The following FAF1 variants were observed in gnomAD, a reference collection of about 807,000 sequenced individuals.
FAF1 encodes the protein FAS-associated factor 1.
A neutral mutation model predicts 92.5 loss-of-function variants in FAF1; 25 were observed. The observed-to-expected ratio is 0.27, with a 90% CI of 0.20 to 0.38. FAF1 has a LOEUF of 0.38. Among genes scored for constraint, FAF1 ranks in the 10% least tolerant of loss-of-function variants. The probability of loss-of-function intolerance (pLI) is 1.00; values close to 1 mark genes in which losing one functional copy is unlikely to be tolerated. For missense variants in FAF1, 636 were observed against 793.3 expected, an observed-to-expected ratio of 0.80 and a Z score of 2.38; for synonymous variants, 234 against 273.2, an observed-to-expected ratio of 0.86 and a Z score of 1.42.
chr1:50,762,776 T>C (rs547479309), intron 4 of FAF1, among the ~76,000 whole-genome samples: 4 of 151,974 alleles, frequency 2.6e-5, no homozygotes, highest in Non-Finnish European at 5.9e-5. Flanking sequence ...GACATAGGCA[T>C]GGGCAAGGAC....
chr1:50,477,731 A>G (rs921783579), intron 17 of FAF1, among the ~76,000 whole-genome samples: 1 of 152,230 alleles, frequency 6.6e-6, no homozygotes, highest in Non-Finnish European at 1.5e-5. Context: ...TATTTATTTA[A>G]TGCCTGGCCT....
At chr1:50,819,194 C>G (rs1644007533) in intron 2 of FAF1, among the ~76,000 whole-genome samples, 1 of 151,880 alleles carries the variant, frequency 6.6e-6, no homozygotes, top group South Asian at 2.1e-4. Context: ...TAGAGTAGAG[C>G]TGGGGGTTAC....
At chr1:50,795,401 T>A (rs1661713037) in intron 3 of FAF1, among the ~76,000 whole-genome samples, 2 of 152,156 alleles carry the variant, frequency 1.3e-5, no homozygotes, top group Non-Finnish European at 2.9e-5. Context: ...ACAACCTTGG[T>A]TCTAACTAAG....
rs34498946 is a variant in FAF1, at chr1:50,606,489, C to CTT, written c.745-10275_745-10274dup. 9.4e-3 allele frequency among the ~76,000 whole-genome samples: 551 copies of CTT among 58,548 alleles called. 108 individuals are homozygous for CTT. The highest frequency in any genetic ancestry group is 0.014 in the Non-Finnish European group (433 of 32,066). 38.4% of individuals were successfully genotyped at this position (58,548 alleles called of 152,430 possible). On this transcript the variant is annotated intron_variant, in intron 8 of 18. Transcript: ENST00000396153. Reference sequence around the variant, plus strand: ...AGATATATTGTAGCTGTGAGAGTTGCTTTTTTTTTTTTTTTTTTTTTTTTT... The same window carrying CTT: ...AGATATATTGTAGCTGTGAGAGTTGCTTTTTTTTTTTTTTTTTTTTTTTTTTT...
At chr1:50,694,077 C>CAT (rs1004450702) in intron 7 of FAF1, among the ~76,000 whole-genome samples, 4 of 150,826 alleles carry the variant, frequency 2.7e-5, no homozygotes, top group Non-Finnish European at 5.9e-5. Context: ...ATATACATGA[C>CAT]ATATATATAA....
At chr1:50,462,149 C>T (rs1314229393) in intron 18 of FAF1, 1 of 150,954 alleles carries the variant, frequency 6.6e-6, no homozygotes, top group Non-Finnish European at 1.5e-5. Flanking sequence ...TGCCCATGTA[C>T]CTTTTCTCCT....
Position 50,566,323 on chromosome 1 carries a change from T to C in FAF1, c.1268+754A>G, listed in dbSNP as rs1331618799. Among the ~76,000 whole-genome samples, 4 of 152,206 alleles carry C rather than the reference T, an allele frequency of 2.6e-5. No homozygotes were observed. In the East Asian group the frequency reaches 7.7e-4, roughly 29 times the overall value. ...TGACTAAAATATGCTTGCCTTGAAA[T>C]GAATTAATTTAATCTCCCTGTTCAT... On this transcript the variant is annotated intron_variant, in intron 13 of 18. Coordinates refer to ENST00000396153, the MANE Select transcript of FAF1 (RefSeq NM_007051.3).
intron 13 of FAF1, among the ~76,000 whole-genome samples, chr1:50,543,985 A>G (rs11205732): frequency 0.093 from 14,137 of 152,204 alleles, 848 homozygotes; most frequent in African/African-American, 0.17. Flanking sequence ...TCCCTTTATA[A>G]CAACTTGCTC....
At chr1:50,508,708 TTTTA>T (rs940149593) in intron 15 of FAF1, among the ~76,000 whole-genome samples, 23 of 152,184 alleles carry the variant, frequency 1.5e-4, no homozygotes, top group African/African-American at 5.5e-4. Flanking sequence ...TACTTTTTGA[TTTTA>T]TTTATTTGAG....
intron 1 of FAF1, among the ~76,000 whole-genome samples, chr1:50,892,136 T>C (rs974878870): frequency 1.3e-5 from 2 of 152,214 alleles, no homozygotes; most frequent in African/African-American, 4.8e-5. Flanking sequence ...TGAGGCTCCA[T>C]GGGCATGGGA....
At chr1:50,463,398 T>A (rs139448656) in intron 18 of FAF1, among the ~76,000 whole-genome samples, 2 of 152,340 alleles carry the variant, frequency 1.3e-5, no homozygotes, top group African/African-American at 4.8e-5. Flanking sequence ...TGTGATTATA[T>A]GCTGAGTCCT....
At chr1:50,843,248 T>C (rs1361247947) in intron 2 of FAF1, among the ~76,000 whole-genome samples, 2 of 152,292 alleles carry the variant, frequency 1.3e-5, no homozygotes, top group Middle Eastern at 3.4e-3. Context: ...TCCGACCTAA[T>C]TCTTTTTCTT....
chr1:50,733,252 T>C (rs1659003475), intron 6 of FAF1, among the ~76,000 whole-genome samples: 1 of 152,346 alleles, frequency 6.6e-6, no homozygotes, highest in East Asian at 1.9e-4. Context: ...TCTATTTTGA[T>C]GTTATCTATA....
chr1:50,797,568 A>T (rs1282098420), intron 3 of FAF1, among the ~76,000 whole-genome samples: 2 of 152,022 alleles, frequency 1.3e-5, no homozygotes, highest in South Asian at 4.2e-4. Flanking sequence ...GTGTGGTGGC[A>T]AGCGCCTACA....
At chr1:50,903,569 C>CA (rs1214535391) in intron 1 of FAF1, among the ~76,000 whole-genome samples, 1 of 151,670 alleles carries the variant, frequency 6.6e-6, no homozygotes, top group Non-Finnish European at 1.5e-5. Context: ...AGTTTCATAA[C>CA]AAAAAATGTT....
At chr1:50,502,149 T>C (rs966681737) in intron 15 of FAF1, among the ~76,000 whole-genome samples, 3 of 152,150 alleles carry the variant, frequency 2.0e-5, no homozygotes, top group Non-Finnish European at 4.4e-5. Context: ...CACATCAACT[T>C]TAAGCCAATC....
intron 1 of FAF1, among the ~76,000 whole-genome samples, chr1:50,942,398 C>G (rs2124754852): frequency 6.6e-6 from 1 of 151,828 alleles, no homozygotes; most frequent in Middle Eastern, 3.4e-3. Context: ...GATGGTGCCA[C>G]TGCACCACAT....
At chr1:50,848,212 C>T (rs1644318426) in intron 2 of FAF1, among the ~76,000 whole-genome samples, 1 of 152,076 alleles carries the variant, frequency 6.6e-6, no homozygotes, top group Non-Finnish European at 1.5e-5. Context: ...CATTTAATTG[C>T]TCAAACAGAT....
At chr1:50,852,015 G>A (rs1015637415) in intron 2 of FAF1, among the ~76,000 whole-genome samples, 20 of 151,904 alleles carry the variant, frequency 1.3e-4, no homozygotes, top group African/African-American at 4.8e-4. Flanking sequence ...TTTCAAATAG[G>A]TTAGGCTATA....
Sources: gnomAD v4.1 joint callset for allele counts (sites outside exome capture counted in the v4.1 genomes callset) on GRCh38, gnomAD v4.1.1 for gene constraint, MANE v1.5 for transcripts, NCBI Gene and HGNC (gene_info 2026-07-23, HGNC 2026-07-21) for gene names.